The following NOX3 variants were observed in gnomAD, a reference collection of about 807,000 sequenced individuals.
The protein encoded by NOX3 is NADPH oxidase 3.
NOX3 carries 74 observed loss-of-function variants against 76.7 expected under a neutral mutation model. The ratio of observed to expected loss-of-function variants is 0.96; its 90% confidence interval spans 0.80 to 1.17. The LOEUF is 1.17. Among genes scored for constraint, NOX3 ranks in the 50% most tolerant of loss-of-function variants. The pLI is 0.00. For synonymous variants in NOX3, 263 were observed against 261.1 expected, an observed-to-expected ratio of 1.01 and a Z score of -0.07; for missense variants, 695 against 703.3, an observed-to-expected ratio of 0.99 and a Z score of 0.13.
chr6:155,431,998 C>G (rs945768301), intron 7 of NOX3, among the ~76,000 whole-genome samples: 1 of 152,136 alleles, frequency 6.6e-6, no homozygotes, highest in African/African-American at 2.4e-5. Flanking sequence ...AACTCATGAA[C>G]TCATTGAATT....
At chr6:155,447,517 G>A (rs1187462341) in intron 4 of NOX3, among the ~76,000 whole-genome samples, 3 of 152,168 alleles carry the variant, frequency 2.0e-5, no homozygotes, top group Non-Finnish European at 4.4e-5. Context: ...TAACAGAGCT[G>A]AAGAAACTAA....
rs1562472078 is a variant in NOX3 at position 155,445,957 on chromosome 6, C to CTATATATATAATATATATATGCTA, written c.341-2540_341-2539insTAGCATATATATATTATATATATA. 8.3e-4 allele frequency among the ~76,000 whole-genome samples: 105 copies of CTATATATATAATATATATATGCTA among 126,110 alleles called. 2 individuals carry two copies. The highest frequency in any genetic ancestry group is 2.9e-3 in the African/African-American group (94 of 32,322). The allele number at this position is 126,110 out of a possible 152,430, so 82.7% of individuals were successfully genotyped here. ...GCTATAGATATATAATATATATATG[C>CTATATATATAATATATATATGCTA]TATATATATATAATATATATATGCT... On this transcript the variant is annotated intron_variant, in intron 4 of 13. Transcript: ENST00000159060.
At position 155,440,088 on chromosome 6, in the gene NOX3, A is replaced by G; in HGVS notation, c.536T>C (p.Val179Ala). ...GATCAAGACTAAAGCCAGAGAGATC[A>G]CCAGACCGGTGACGCCTGCTATTGT... ...LRTIAGVTGL[V>A]ISLALVLIMT... The change falls in exon 6 of 14, where the codon GTG becomes GCG. Residue 179 changes from valine (V) to alanine (A), a missense_variant. Transcript: ENST00000159060. The G allele has an allele frequency of 1.2e-6, 2 of 1,613,868 alleles. No individual in the cohort carries two copies. Among genetic ancestry groups the G allele is most frequent in the Middle Eastern group, 1.6e-4 (1 of 6,062 alleles).
At chr6:155,419,577 A>G (rs1010073738) in intron 10 of NOX3, among the ~76,000 whole-genome samples, 2 of 152,014 alleles carry the variant, frequency 1.3e-5, no homozygotes, top group African/African-American at 2.4e-5. Flanking sequence ...AGTCCCTCAC[A>G]TTTTTATAAG....
intron 4 of NOX3, among the ~76,000 whole-genome samples, chr6:155,450,051 C>T (rs1259058179): frequency 1.3e-5 from 2 of 152,228 alleles, no homozygotes; most frequent in Non-Finnish European, 2.9e-5. Context: ...TCTCCCCAGC[C>T]TCCTGCATTT....
chr6:155,418,152 C>T (rs1776643484), intron 10 of NOX3, among the ~76,000 whole-genome samples: 1 of 152,008 alleles, frequency 6.6e-6, no homozygotes, highest in South Asian at 2.1e-4. Flanking sequence ...AGCAATCCTC[C>T]CCCTCCCTCC....
At chr6:155,431,083 C>T (rs969697891) in intron 7 of NOX3, 148 bp from the exon 8 acceptor site, 1 of 588,530 alleles carries the variant, frequency 1.7e-6, no homozygotes, top group Non-Finnish European at 3.0e-6. Context: ...AAGATGTCTC[C>T]TTGTATTATA....
chr6:155,442,403 G>A (rs1270530284), intron 5 of NOX3, among the ~76,000 whole-genome samples: 3 of 152,224 alleles, frequency 2.0e-5, no homozygotes, highest in Non-Finnish European at 4.4e-5. Context: ...CAGATTTTGA[G>A]TTTTTGTTCT....
chr6:155,435,514 A>G (rs1776890506), intron 7 of NOX3, among the ~76,000 whole-genome samples: 2 of 128,934 alleles, frequency 1.6e-5, no homozygotes, highest in African/African-American at 6.3e-5. Context: ...TTAATTTAAT[A>G]TATTTGAGGG....
chr6:155,431,429 C>CACAT (rs1776832251), intron 7 of NOX3, among the ~76,000 whole-genome samples: 1 of 151,680 alleles, frequency 6.6e-6, no homozygotes, highest in African/African-American at 2.4e-5. Context: ...CACACACACA[C>CACAT]ACACACACAC....
intron 4 of NOX3, among the ~76,000 whole-genome samples, chr6:155,445,664 CTATT>C (rs1345718522): frequency 6.6e-6 from 1 of 151,894 alleles, no homozygotes; most frequent in Non-Finnish European, 1.5e-5. Flanking sequence ...GTTGCAGTAT[CTATT>C]TATCCCTGCA....
intron 9 of NOX3, among the ~76,000 whole-genome samples, chr6:155,423,510 A>G (rs1776717722): frequency 6.6e-6 from 1 of 152,172 alleles, no homozygotes; most frequent in Non-Finnish European, 1.5e-5. Flanking sequence ...ATTTTTCTTA[A>G]TAAGGATAAA....
intron 5 of NOX3, among the ~76,000 whole-genome samples, chr6:155,442,105 A>G (rs1294920165): frequency 6.6e-6 from 1 of 152,156 alleles, no homozygotes; most frequent in Non-Finnish European, 1.5e-5. Context: ...TCTACTAAAA[A>G]TAACAAAAAT....
intron 4 of NOX3, among the ~76,000 whole-genome samples, chr6:155,451,706 C>G (rs1019328243): frequency 6.6e-6 from 1 of 151,934 alleles, no homozygotes; most frequent in African/African-American, 2.4e-5. Context: ...CTCCCTGCAA[C>G]CTTCGCCTCC....
intron 4 of NOX3, among the ~76,000 whole-genome samples, 193 bp downstream of exon 4, chr6:155,453,211 G>T (rs926549091): frequency 6.6e-6 from 1 of 151,964 alleles, no homozygotes. Context: ...TTGAGGTCTT[G>T]GTAGGGGAAA....
chr6:155,430,956 A>G (rs1442662067), intron 7 of NOX3, 21 bp from the exon 8 acceptor site: 2 of 1,393,536 alleles, frequency 1.4e-6, no homozygotes, highest in East Asian at 2.3e-5. Flanking sequence ...TAGCAGAGAG[A>G]GAGAGAAAAA....
intron 12 of NOX3, among the ~76,000 whole-genome samples, chr6:155,398,895 C>T (rs1779175274): frequency 6.6e-6 from 1 of 152,248 alleles, no homozygotes; most frequent in South Asian, 2.1e-4. Context: ...GCCGCTGGTC[C>T]TGTGCTTGGC....
At chr6:155,453,723 C>A (rs527472564) in intron 3 of NOX3, among the ~76,000 whole-genome samples, 1 of 152,294 alleles carries the variant, frequency 6.6e-6, no homozygotes, top group South Asian at 2.1e-4. Flanking sequence ...TAATTCAAAA[C>A]TCTTGAATAA....
chr6:155,435,389 G>C lies in NOX3; in HGVS notation c.798+1029C>G, dbSNP rs145335018. Among the ~76,000 whole-genome samples the C allele has an allele frequency of 1.4e-3, 206 of 152,206 alleles. 2 individuals carry two copies. The highest frequency in any genetic ancestry group is 4.6e-3 in the African/African-American group (190 of 41,536). ...AGTGGCTACTGAGAGTTGAGTTTAA[G>C]ACAGAGACAATCTATACCGGCCATT... is the stretch of plus-strand genomic sequence containing the variant. On this transcript the variant is annotated intron_variant, in intron 7 of 13. Coordinates refer to ENST00000159060, the MANE Select transcript of NOX3 (RefSeq NM_015718.3).
Sources: allele counts gnomAD v4.1 joint callset (sites outside exome capture counted in the v4.1 genomes callset), GRCh38; gene constraint gnomAD v4.1.1; transcripts MANE v1.5; gene names NCBI Gene and HGNC (gene_info 2026-07-23, HGNC 2026-07-21).